Variants in CFAP77 observed in about 807,000 individuals in gnomAD.
CFAP77 encodes the protein cilia- and flagella-associated protein 77.
A neutral mutation model predicts 31.1 loss-of-function variants in CFAP77; 25 were observed. The observed-to-expected ratio is 0.80, with a 90% CI of 0.59 to 1.12. The LOEUF (loss-of-function observed/expected upper bound fraction) is 1.12, where lower values mean the gene tolerates loss of function less well. CFAP77 is among the 50% of genes most tolerant of loss of function. CFAP77 has a pLI of 0.00. For synonymous variants in CFAP77, 151 were observed against 159.9 expected (o/e 0.94, Z 0.42); for missense variants, 377 against 397.3 (o/e 0.95, Z 0.44).
rs530724471 is a variant in CFAP77 at position 132,423,932 on chromosome 9, C to T, written c.195+13466C>T. Among the ~76,000 whole-genome samples, 3 of 152,344 alleles carry T rather than the reference C, an allele frequency of 2.0e-5. No individual in the cohort carries two copies. The South Asian group carries it at 6.2e-4, about 32-fold the overall frequency. On this transcript the variant is annotated intron_variant, in intron 1 of 5. Coordinates refer to ENST00000393216, the MANE Select transcript of CFAP77 (RefSeq NM_001282957.2). ...GAGAAGAATCCAGTTAATCCATGTGCTTATCACCTGCGTCTATATCTATCT... is the reference window on the plus strand; with the variant it reads ...GAGAAGAATCCAGTTAATCCATGTGTTTATCACCTGCGTCTATATCTATCT...
intron 1 of CFAP77, among the ~76,000 whole-genome samples, chr9:132,460,177 T>G (rs1851025811): frequency 6.6e-6 from 1 of 152,190 alleles, no homozygotes; most frequent in Admixed American, 6.5e-5. Context: ...TTGCTCTCTC[T>G]GCCTTTGCTC....
intron 1 of CFAP77, among the ~76,000 whole-genome samples, chr9:132,411,760 T>C (rs116182029): frequency 4.2e-4 from 64 of 152,212 alleles, no homozygotes; most frequent in African/African-American, 1.3e-3. Flanking sequence ...TTCAAGTAGT[T>C]AGTAGTGAGC....
chr9:132,450,184 C>A (rs1850802160), intron 1 of CFAP77, among the ~76,000 whole-genome samples: 1 of 151,944 alleles, frequency 6.6e-6, no homozygotes, highest in African/African-American at 2.4e-5. Flanking sequence ...CCCGCCTCGC[C>A]CTCCCAAAGT....
chr9:132,563,589 C>T (rs895653677), intron 5 of CFAP77, among the ~76,000 whole-genome samples: 2 of 152,204 alleles, frequency 1.3e-5, no homozygotes, highest in African/African-American at 2.4e-5. Flanking sequence ...GTGAGGATTC[C>T]TCATGCACAT....
rs1438445156 is a variant in CFAP77, at chr9:132,498,802, A to C, written c.295+8A>C. 1 of 1,597,154 alleles carries C rather than the reference A, an allele frequency of 6.3e-7. No homozygotes were observed. Among genetic ancestry groups the C allele is most frequent in the Admixed American group, 1.7e-5 (1 of 58,386 alleles). The stretch of plus-strand genomic sequence containing the variant: ...ACGGAGGAGTCCCTGAAGGTGAGCG[A>C]GCAGCTTTGGAGCATGAGGGCAGAG... On this transcript the variant is annotated splice_region_variant and intron_variant, in intron 2 of 5. Transcript: ENST00000393216. The surrounding 1 kb of genome is among the most constrained non-coding windows in gnomAD (Gnocchi z 4.2).
chr9:132,500,016 T>C (rs926768656), intron 3 of CFAP77, among the ~76,000 whole-genome samples: 1 of 151,958 alleles, frequency 6.6e-6, no homozygotes, highest in African/African-American at 2.4e-5. Flanking sequence ...AGCTGGGCAT[T>C]GTGGCACGTG....
In CFAP77 at chr9:132,499,276, C is replaced by T. The variant is rs1453460917; in HGVS notation, c.296-96C>T. On this transcript the variant is annotated intron_variant, in intron 2 of 5. Transcript: ENST00000393216. The surrounding 1 kb of genome is among the most constrained non-coding windows in gnomAD (Gnocchi z 5.4). ...AGTAGGCTCAGGTAAATGGGAAGGC[C>T]GAGGACCCGCGTGCCCCCATTTCTT... 19 of 1,097,308 alleles carry T rather than the reference C, an allele frequency of 1.7e-5. No individual in the cohort carries two copies. The highest frequency in any genetic ancestry group is 4.9e-5 in the East Asian group (2 of 40,732). 68.0% of individuals were successfully genotyped at this position (1,097,308 alleles called of 1,614,324 possible). A position where few individuals can be genotyped will look rare whatever the true frequency, so the allele number is the denominator to read the frequency against.
At chr9:132,515,424 C>T (rs893815481) in intron 3 of CFAP77, among the ~76,000 whole-genome samples, 2 of 152,048 alleles carry the variant, frequency 1.3e-5, no homozygotes, top group Non-Finnish European at 2.9e-5. Context: ...GTGTCCCTTC[C>T]TCTGTTTAAA....
At chr9:132,553,178 C>CT (rs1251292815) in intron 5 of CFAP77, among the ~76,000 whole-genome samples, 3 of 152,218 alleles carry the variant, frequency 2.0e-5, no homozygotes, top group Admixed American at 2.0e-4. Flanking sequence ...AGCACACACT[C>CT]TGGTGTCTCT....
intron 1 of CFAP77, among the ~76,000 whole-genome samples, chr9:132,496,643 C>T (rs1851747704): frequency 6.6e-6 from 1 of 152,186 alleles, no homozygotes; most frequent in African/African-American, 2.4e-5. Context: ...CCAACTCTAT[C>T]CATGCTACCG....
intron 1 of CFAP77, among the ~76,000 whole-genome samples, chr9:132,486,733 C>T (rs1428103457): frequency 6.6e-6 from 1 of 152,242 alleles, no homozygotes; most frequent in East Asian, 1.9e-4. Context: ...TCGCTGCCTT[C>T]TCCGAGTGTA....
chr9:132,427,105 G>A (rs891456764), intron 1 of CFAP77, among the ~76,000 whole-genome samples: 34 of 152,216 alleles, frequency 2.2e-4, no homozygotes, highest in Admixed American at 1.8e-3. Context: ...TTCTGGGCTG[G>A]AGAGAATACA....
At chr9:132,529,956 G>A (rs967034251) in intron 3 of CFAP77, among the ~76,000 whole-genome samples, 3 of 152,104 alleles carry the variant, frequency 2.0e-5, no homozygotes, top group Admixed American at 6.5e-5. Context: ...ATTTGGTAGT[G>A]TCATTATGCC....
intron 1 of CFAP77, among the ~76,000 whole-genome samples, chr9:132,429,690 C>CAAAAA (rs527868008): frequency 1.5e-5 from 2 of 129,534 alleles, no homozygotes; most frequent in African/African-American, 5.7e-5. Context: ...TAACAAAATA[C>CAAAAA]AAAAAAAAAA....
intron 3 of CFAP77, among the ~76,000 whole-genome samples, chr9:132,515,646 G>C (rs912066316): frequency 1.3e-5 from 2 of 152,040 alleles, no homozygotes; most frequent in Admixed American, 1.3e-4. Context: ...TGGAAAGGAG[G>C]AATTCCCTCT....
At chr9:132,523,138 A>G (rs1852299624) in intron 3 of CFAP77, among the ~76,000 whole-genome samples, 1 of 145,106 alleles carries the variant, frequency 6.9e-6, no homozygotes, top group Non-Finnish European at 1.5e-5. Context: ...TCCAGGCTGG[A>G]GTGCAGTGGC....
chr9:132,417,080 A>T (rs1046165167), intron 1 of CFAP77, among the ~76,000 whole-genome samples: 4 of 151,986 alleles, frequency 2.6e-5, no homozygotes, highest in African/African-American at 9.7e-5. Flanking sequence ...GAGGGCTGTT[A>T]AAATGATTCC....
intron 3 of CFAP77, among the ~76,000 whole-genome samples, chr9:132,509,364 G>C (rs1851992613): frequency 6.6e-6 from 1 of 152,318 alleles, no homozygotes; most frequent in Admixed American, 6.5e-5. Flanking sequence ...GGCTACCTCT[G>C]CTGGGGCTTT....
At chr9:132,486,520 C>G (rs886952842) in intron 1 of CFAP77, among the ~76,000 whole-genome samples, 2 of 152,172 alleles carry the variant, frequency 1.3e-5, no homozygotes, top group Non-Finnish European at 2.9e-5. Flanking sequence ...TGGCTCTGTT[C>G]GTAATCTCAG....
Sources: allele counts gnomAD v4.1 joint callset (sites outside exome capture counted in the v4.1 genomes callset), GRCh38; gene constraint gnomAD v4.1.1; non-coding constraint Gnocchi (gnomAD v3.1); transcripts MANE v1.5; gene names NCBI Gene and HGNC (gene_info 2026-07-23, HGNC 2026-07-21).